The following MAP3K5 variants were observed in gnomAD, a reference collection of about 807,000 sequenced individuals.
MAP3K5 encodes the protein ASK-1.
MAP3K5 carries 56 observed loss-of-function variants against 158.7 expected under a neutral mutation model. The ratio of observed to expected loss-of-function variants is 0.35; its 90% CI spans 0.28 to 0.44. The LOEUF (loss-of-function observed/expected upper bound fraction) is 0.44, where lower values mean the gene tolerates loss of function less well. Ranked by LOEUF, MAP3K5 falls within the 20% of genes least tolerant of loss-of-function variation. The probability of loss-of-function intolerance (pLI) is 1.00; values close to 1 mark genes in which losing one functional copy is unlikely to be tolerated. For missense variants in MAP3K5, 1,294 were observed against 1,674.8 expected (o/e 0.77, Z 3.97); for synonymous variants, 579 against 601.7 (o/e 0.96, Z 0.55).
intron 1 of MAP3K5, among the ~76,000 whole-genome samples, chr6:136,750,725 G>C (rs1783169262): frequency 1.3e-5 from 2 of 152,128 alleles, no homozygotes; most frequent in African/African-American, 4.8e-5. Flanking sequence ...TCTTAAACTT[G>C]TGAAAATCCT....
chr6:136,577,597 T>C (rs1383618714), intron 25 of MAP3K5, among the ~76,000 whole-genome samples: 2 of 152,206 alleles, frequency 1.3e-5, no homozygotes, highest in Non-Finnish European at 2.9e-5. Context: ...CCTGGGACAC[T>C]CGTGCAAGGA....
At chr6:136,685,357 CT>C (rs753179089) in intron 7 of MAP3K5, among the ~76,000 whole-genome samples, 4 of 151,974 alleles carry the variant, frequency 2.6e-5, no homozygotes, top group Admixed American at 6.6e-5. Context: ...CATTTTCCCC[CT>C]ATTTTCTGTT....
At chr6:136,769,005 A>C (rs1367519743) in intron 1 of MAP3K5, among the ~76,000 whole-genome samples, 1 of 152,162 alleles carries the variant, frequency 6.6e-6, no homozygotes, top group Non-Finnish European at 1.5e-5. Flanking sequence ...CCACTCCTAG[A>C]TATATACTTA....
intron 10 of MAP3K5, among the ~76,000 whole-genome samples, chr6:136,652,203 G>GC (rs1415958281): frequency 6.6e-6 from 1 of 152,094 alleles, no homozygotes; most frequent in Non-Finnish European, 1.5e-5. Context: ...GGGCATATTT[G>GC]TTTTACTCTC....
rs530011566 is a variant in MAP3K5, at chr6:136,586,933, G to C, written c.3226-3193C>G. 2.6e-5 allele frequency among the ~76,000 whole-genome samples: 4 copies of C among 152,312 alleles called. No individual in the cohort carries two copies. In the South Asian group the frequency reaches 8.3e-4, roughly 32 times the overall value. On this transcript the variant is annotated intron_variant, in intron 23 of 29. Transcript: ENST00000359015. ...CCAAGTTCTTCAGTTTTGGAACTCA[G>C]ACTGGCTCTCCATGCTCCTCAGCCT...
At chr6:136,764,842 C>T (rs552921586) in intron 1 of MAP3K5, among the ~76,000 whole-genome samples, 4 of 152,282 alleles carry the variant, frequency 2.6e-5, no homozygotes, top group Non-Finnish European at 5.9e-5. Context: ...AGAGGCAGAA[C>T]TGAAACTCAA....
intron 28 of MAP3K5, 75 bp downstream of exon 28, chr6:136,561,458 G>T: frequency 5.6e-6 from 6 of 1,074,576 alleles, no homozygotes; most frequent in South Asian, 1.3e-5. Flanking sequence ...TATCCCCTGT[G>T]CCTGTCACAT....
chr6:136,717,988 G>T (rs1781596131), intron 2 of MAP3K5, among the ~76,000 whole-genome samples: 1 of 152,098 alleles, frequency 6.6e-6, no homozygotes. Context: ...CACTCAGCAG[G>T]AATATATGAT....
At position 136,642,668 on chromosome 6, in the gene MAP3K5, A is replaced by AT; in HGVS notation, c.1789-100dup. ...TATTTTTAAAGTGATATACACAGCC[A>AT]TTTTTCCTGGTACACTATTTTTCAT... On this transcript the variant is annotated intron_variant, in intron 11 of 29. Transcript: ENST00000359015. 3.9e-6 allele frequency: 3 copies of AT among 779,030 alleles called. No individual in the cohort carries two copies. In the East Asian group the frequency reaches 7.5e-5, roughly 20 times the overall value. The allele number at this position is 779,030 out of a possible 1,614,324, so 48.3% of individuals were successfully genotyped here. A position where few individuals can be genotyped will look rare whatever the true frequency, so the allele number is the denominator to read the frequency against.
chr6:136,756,026 G>A (rs1185952746), intron 1 of MAP3K5, among the ~76,000 whole-genome samples: 1 of 152,052 alleles, frequency 6.6e-6, no homozygotes, highest in Non-Finnish European at 1.5e-5. Flanking sequence ...AGAGAAGAAT[G>A]GGCTAGAAAT....
chr6:136,598,574 G>C (rs936265418), intron 21 of MAP3K5, among the ~76,000 whole-genome samples: 1 of 152,176 alleles, frequency 6.6e-6, no homozygotes, highest in African/African-American at 2.4e-5. Flanking sequence ...CTGGGTCTGT[G>C]TGTGGCCATG....
At chr6:136,698,461 C>T in intron 4 of MAP3K5, 28 bp downstream of exon 4, 2 of 1,592,906 alleles carry the variant, frequency 1.3e-6, no homozygotes, top group Non-Finnish European at 1.7e-6. Flanking sequence ...ATTGTCATCA[C>T]CAAATGGCAT....
At chr6:136,629,174 G>C (rs979243213) in intron 14 of MAP3K5, 1 of 152,136 alleles carries the variant, frequency 6.6e-6, no homozygotes, top group Admixed American at 6.5e-5. Context: ...ACATTGACAA[G>C]GCCAAACAAC....
chr6:136,715,299 C>T (rs1157090152), intron 2 of MAP3K5, among the ~76,000 whole-genome samples: 3 of 152,118 alleles, frequency 2.0e-5, no homozygotes, highest in Non-Finnish European at 4.4e-5. Flanking sequence ...GTCCAAAATG[C>T]ATATACGTTA....
At chr6:136,644,870 T>G (rs1194834720) in intron 11 of MAP3K5, among the ~76,000 whole-genome samples, 2 of 152,184 alleles carry the variant, frequency 1.3e-5, no homozygotes, top group Non-Finnish European at 2.9e-5. Flanking sequence ...CTTAAGAACA[T>G]GAGACTAACA....
At chr6:136,772,395 C>T (rs1050639469) in intron 1 of MAP3K5, among the ~76,000 whole-genome samples, 1 of 152,094 alleles carries the variant, frequency 6.6e-6, no homozygotes, top group Admixed American at 6.5e-5. Context: ...CAATACTGTG[C>T]ACCTCTCTGT....
intron 1 of MAP3K5, among the ~76,000 whole-genome samples, chr6:136,753,578 A>C: frequency 6.6e-6 from 1 of 152,244 alleles, no homozygotes; most frequent in East Asian, 1.9e-4. Context: ...CATGGTATTA[A>C]ATTGATGGAC....
rs1388373271 is a variant in MAP3K5 at position 136,697,305 on chromosome 6, C to A, written c.889G>T (p.Ala297Ser). Residue 297 changes from alanine to serine, a missense_variant, in exon 5 of 30, where the codon GCA becomes TCA. Transcript: ENST00000359015. The part of the protein sequence containing the change: ...YTGKELAAEL[A>S]RIRQRVDNIE... Reference sequence around the variant, plus strand: ...TTATCTACTCGCTGCCGAATTCTTGCCAACTCAGCTGCCAATTCTTTACCA... The same window carrying A: ...TTATCTACTCGCTGCCGAATTCTTGACAACTCAGCTGCCAATTCTTTACCA... 3 of 1,613,702 alleles carry A rather than the reference C, an allele frequency of 1.9e-6. No homozygotes were observed. Among genetic ancestry groups the A allele is most frequent in the Middle Eastern group, 1.7e-4 (1 of 6,058 alleles).
chr6:136,694,751 C>A (rs1029418343), intron 6 of MAP3K5, among the ~76,000 whole-genome samples: 1 of 152,158 alleles, frequency 6.6e-6, no homozygotes, highest in African/African-American at 2.4e-5. Context: ...ACAGATGATA[C>A]CAAAAATCAA....
Sources: allele counts gnomAD v4.1 joint callset (sites outside exome capture counted in the v4.1 genomes callset), GRCh38; gene constraint gnomAD v4.1.1; transcripts MANE v1.5; gene names NCBI Gene and HGNC (gene_info 2026-07-23, HGNC 2026-07-21).